The following RNMT variants were observed in gnomAD, a reference collection of about 807,000 sequenced individuals.
RNMT encodes RNA guanine-7 methyltransferase.
RNMT carries 27 observed loss-of-function variants against 56.0 expected under a neutral mutation model. The observed-to-expected ratio is 0.48, with a 90% confidence interval of 0.36 to 0.67. The LOEUF is 0.67. Among genes scored for constraint, RNMT ranks in the 30% least tolerant of loss-of-function variants. The pLI is 0.00. For synonymous variants in RNMT, 184 were observed against 176.2 expected (o/e 1.04, Z -0.35); for missense variants, 519 against 552.1 (o/e 0.94, Z 0.60).
Position 13,761,958 on chromosome 18 carries a change from T to C in RNMT, c.*1979T>C. 7.0e-7 allele frequency: 1 copy of C among 1,437,846 alleles called. No individual in the cohort carries two copies. The highest frequency in any genetic ancestry group is 9.2e-7 in the Non-Finnish European group (1 of 1,085,848). The allele number at this position is 1,437,846 out of a possible 1,614,324, so 89.1% of individuals were successfully genotyped here. On this transcript the variant is annotated 3_prime_UTR_variant, in exon 12 of 12. Coordinates refer to ENST00000383314, the MANE Select transcript of RNMT (RefSeq NM_003799.3). ...GAAAAGGCTTCCCCTGCCTATCCTCTCCGATCACCAAGGTGGAAGGGAGCT... is the reference window on the plus strand; with the variant it reads ...GAAAAGGCTTCCCCTGCCTATCCTCCCCGATCACCAAGGTGGAAGGGAGCT...
intron 8 of RNMT, chr18:13,742,970 AG>A (rs1303310124): frequency 5.8e-6 from 1 of 171,996 alleles, no homozygotes; most frequent in African/African-American, 2.5e-5. Flanking sequence ...AAATAGCAAA[AG>A]TTTTTTTTTT....
At chr18:13,734,656 C>T in intron 4 of RNMT, 57 bp downstream of exon 4, 1 of 1,409,954 alleles carries the variant, frequency 7.1e-7, no homozygotes, top group South Asian at 1.5e-5. Context: ...AATTATCAAA[C>T]CTTGACTTTA....
chr18:13,749,553 G>T (rs1248706227), intron 9 of RNMT, among the ~76,000 whole-genome samples: 1 of 152,170 alleles, frequency 6.6e-6, no homozygotes, highest in African/African-American at 2.4e-5. Flanking sequence ...GTTTATTAGG[G>T]AGTTGTACGT....
In RNMT at chr18:13,730,307, A is replaced by T. The variant is rs188404120; in HGVS notation, c.-171-320A>T. On this transcript the variant is annotated intron_variant, in intron 1 of 11. Transcript: ENST00000383314. ...TTTGAAAGAGACTTAATGGTCATCA[A>T]ACTGCAGGCTGAGTCCTGAAACTTG... The T allele has an allele frequency of 1.4e-3, 213 of 152,312 alleles. 2 individuals are homozygous for T. Among genetic ancestry groups the T allele is most frequent in the African/African-American group, 4.9e-3 (203 of 41,562 alleles). 9.4% of individuals were successfully genotyped at this position (152,312 alleles called of 1,614,324 possible).
intron 4 of RNMT, 86 bp downstream of exon 4, chr18:13,734,685 T>C (rs2044130297): frequency 1.7e-6 from 2 of 1,183,742 alleles, no homozygotes; most frequent in Non-Finnish European, 2.3e-6. Flanking sequence ...GAGCCAAGAC[T>C]AGGTCTTGAA....
chr18:13,749,094 A>G (rs2044398865), intron 9 of RNMT, among the ~76,000 whole-genome samples: 1 of 152,194 alleles, frequency 6.6e-6, no homozygotes, highest in Non-Finnish European at 1.5e-5. Context: ...AATAAAATCA[A>G]TTTTAAAAAA....
chr18:13,751,336 A>G (rs2044442464), intron 9 of RNMT, among the ~76,000 whole-genome samples: 1 of 152,250 alleles, frequency 6.6e-6, no homozygotes, highest in African/African-American at 2.4e-5. Flanking sequence ...TCAAAACACG[A>G]CATTTATGCA....
At chr18:13,754,739 T>A (rs1257739178) in intron 11 of RNMT, among the ~76,000 whole-genome samples, 4 of 152,248 alleles carry the variant, frequency 2.6e-5, no homozygotes, top group African/African-American at 9.6e-5. Context: ...TTTGAAGTGT[T>A]TACCTCAGAT....
At chr18:13,735,860 G>A (rs557367646) in intron 4 of RNMT, among the ~76,000 whole-genome samples, 1 of 152,212 alleles carries the variant, frequency 6.6e-6, no homozygotes, top group East Asian at 1.9e-4. Flanking sequence ...CTTTGCACCT[G>A]TGTTTAACAT....
At chr18:13,754,650 A>G (rs1350358420) in intron 11 of RNMT, among the ~76,000 whole-genome samples, 5 of 152,220 alleles carry the variant, frequency 3.3e-5, no homozygotes, top group Non-Finnish European at 5.9e-5. Flanking sequence ...CACTGTACAC[A>G]GGGTCTTCCT....
chr18:13,748,535 T>G (rs902916305), intron 9 of RNMT, among the ~76,000 whole-genome samples: 1 of 152,194 alleles, frequency 6.6e-6, no homozygotes, highest in African/African-American at 2.4e-5. Context: ...TAAATGGATC[T>G]GTTTCTTGAT....
chr18:13,731,824 A>G lies in RNMT; in HGVS notation c.307A>G (p.Lys103Glu), dbSNP rs758737914. 6 of 1,613,666 alleles carry G rather than the reference A, an allele frequency of 3.7e-6. No individual in the cohort carries two copies. The highest frequency in any genetic ancestry group is 2.7e-5 in the African/African-American group (2 of 75,020). ...KDCGDAEGNSKKRKRETEDVP... is the reference protein window; with the variant it reads ...KDCGDAEGNSEKRKRETEDVP... The stretch of plus-strand genomic sequence containing the variant: ...TTGTGGTGATGCTGAAGGCAATTCA[A>G]AGAAAAGAAAAAGAGAAACTGAGGA... Residue 103 changes from lysine to glutamate, a missense_variant, in exon 3 of 12, where the codon AAG becomes GAG. Coordinates refer to ENST00000383314, the MANE Select transcript of RNMT (RefSeq NM_003799.3).
Position 13,744,159 on chromosome 18 carries a change from C to CTTTTTTTTTTTTTTTTTTTTTTTT in RNMT, c.1139+1510_1139+1533dup, listed in dbSNP as rs201093998. Among the ~76,000 whole-genome samples, 31 of 91,414 alleles carry CTTTTTTTTTTTTTTTTTTTTTTTT rather than the reference C, an allele frequency of 3.4e-4. 4 individuals carry two copies. Among genetic ancestry groups the CTTTTTTTTTTTTTTTTTTTTTTTT allele is most frequent in the Admixed American group, 4.9e-4 (5 of 10,202 alleles). 60.0% of individuals were successfully genotyped at this position (91,414 alleles called of 152,430 possible). A position where few individuals can be genotyped will look rare whatever the true frequency, so the allele number is the denominator to read the frequency against. The stretch of plus-strand genomic sequence containing the variant: ...ATGCTAAACAAGACCTAGCGGTCTT[C>CTTTTTTTTTTTTTTTTTTTTTTTT]TTTTTTTTTTTTTTTTTTTTTTTTT... On this transcript the variant is annotated intron_variant, in intron 8 of 11. Transcript: ENST00000383314.
At position 13,763,928 on chromosome 18, in the gene RNMT, G is replaced by A. The variant is rs888460469; in HGVS notation, c.*3949G>A. 2.6e-5 allele frequency: 4 copies of A among 152,308 alleles called. No homozygotes were observed. The highest frequency in any genetic ancestry group is 5.9e-5 in the Non-Finnish European group (4 of 68,116). 9.4% of individuals were successfully genotyped at this position (152,308 alleles called of 1,614,324 possible). ...TGTTTATTTCTGAGTAAGGGGCTTT[G>A]TTGAAAGAGGGGGTTAGAGAGAGCA... On this transcript the variant is annotated 3_prime_UTR_variant, in exon 12 of 12. Transcript: ENST00000383314.
intron 11 of RNMT, 22 bp from the exon 12 acceptor site, chr18:13,759,920 C>T (rs763074181): frequency 1.3e-6 from 2 of 1,581,382 alleles, no homozygotes; most frequent in African/African-American, 1.3e-5. Context: ...AGAAACTGAA[C>T]TCTTATTTAT....
intron 6 of RNMT, 27 bp downstream of exon 6, chr18:13,740,306 AT>A: frequency 8.7e-7 from 1 of 1,154,252 alleles, no homozygotes. Context: ...TGGTCAATTT[AT>A]TTTTTACATT....
intron 7 of RNMT, among the ~76,000 whole-genome samples, 182 bp from the exon 8 acceptor site, chr18:13,742,306 G>A (rs150779130): frequency 4.7e-5 from 7 of 150,446 alleles, no homozygotes; most frequent in African/African-American, 1.7e-4. Context: ...CCACACTCCA[G>A]CCTGAATGAC....
rs1268930037 is a variant in RNMT, at chr18:13,731,692, A to G, written c.175A>G (p.Arg59Gly). The G allele has an allele frequency of 1.2e-6, 2 of 1,613,962 alleles. No individual in the cohort carries two copies. The highest frequency in any genetic ancestry group is 1.7e-5 in the Admixed American group (1 of 59,974). ...VCRQVDIARK[R>G]KEFEDDLVKE... ...TAGGCAAGTAGACATAGCAAGAAAG[A>G]GAAAAGAGTTTGAAGATGATCTTGT... The change falls in exon 3 of 12, where the codon AGA (arginine) becomes GGA (glycine). Residue 59 changes from arginine (R) to glycine (G), a missense_variant. Transcript: ENST00000383314.
intron 3 of RNMT, among the ~76,000 whole-genome samples, chr18:13,732,795 G>C (rs1180972756): frequency 1.6e-5 from 2 of 122,414 alleles, no homozygotes; most frequent in Non-Finnish European, 3.2e-5. Flanking sequence ...TCCTAGGCTA[G>C]AGTGCAGTGG....
Sources: allele counts gnomAD v4.1 joint callset (sites outside exome capture counted in the v4.1 genomes callset), GRCh38; gene constraint gnomAD v4.1.1; transcripts MANE v1.5; gene names NCBI Gene and HGNC (gene_info 2026-07-23, HGNC 2026-07-21).